Variants in OSBPL3 observed in about 807,000 individuals in gnomAD.
OSBPL3 encodes oxysterol binding protein like 3.
In OSBPL3, 65 loss-of-function variants were observed where a neutral mutation model predicts 120.1. The observed-to-expected ratio is 0.54, with a 90% CI of 0.44 to 0.67. OSBPL3 has a LOEUF of 0.67. Among genes scored for constraint, OSBPL3 ranks in the 30% least tolerant of loss-of-function variants. The pLI is 0.00. For synonymous variants in OSBPL3, 416 were observed against 402.6 expected, an observed-to-expected ratio of 1.03 and a Z score of -0.40; for missense variants, 1,004 against 1,082.1, an observed-to-expected ratio of 0.93 and a Z score of 1.01.
At chr7:24,914,267 C>G (rs997323102) in intron 1 of OSBPL3, among the ~76,000 whole-genome samples, 1 of 151,738 alleles carries the variant, frequency 6.6e-6, no homozygotes, top group African/African-American at 2.4e-5. Context: ...AGCCATTGGA[C>G]AGCAGAGCCA....
At chr7:24,978,428 C>T (rs949450879) in intron 1 of OSBPL3, among the ~76,000 whole-genome samples, 53 of 152,312 alleles carry the variant, frequency 3.5e-4, no homozygotes, top group African/African-American at 1.2e-3. Context: ...TACTTACATC[C>T]TAATGAGGGA....
intron 12 of OSBPL3, among the ~76,000 whole-genome samples, chr7:24,846,266 G>A (rs568564594): frequency 1.3e-5 from 2 of 152,284 alleles, no homozygotes; most frequent in African/African-American, 2.4e-5. Flanking sequence ...TTGAGAAAAG[G>A]ATTGCTTTGG....
intron 1 of OSBPL3, among the ~76,000 whole-genome samples, chr7:24,897,808 A>G (rs567974741): frequency 8.5e-5 from 13 of 152,358 alleles, no homozygotes; most frequent in African/African-American, 3.1e-4. Context: ...AAAAAGCAAC[A>G]TTATCTGGTA....
Position 24,804,155 on chromosome 7 carries a change from G to A in OSBPL3, c.2567+160C>T, listed in dbSNP as rs1359093769. ...GGAGAGCCTGAAGGTAAGTGCGGGG[G>A]ACAGGGCCTGGCACAGAGGAGCAGT... On this transcript the variant is annotated intron_variant, in intron 22 of 22. Transcript: ENST00000313367. The surrounding 1 kb of genome is among the most constrained non-coding windows in gnomAD (Gnocchi z 5.4). 6.6e-6 allele frequency among the ~76,000 whole-genome samples: 1 copy of A among 152,168 alleles called. No individual in the cohort carries two copies. Among genetic ancestry groups the A allele is most frequent in the Non-Finnish European group, 1.5e-5 (1 of 68,028 alleles).
intron 1 of OSBPL3, among the ~76,000 whole-genome samples, chr7:24,901,734 G>C (rs185837971): frequency 6.6e-6 from 1 of 152,264 alleles, no homozygotes; most frequent in South Asian, 2.1e-4. Flanking sequence ...GTAGGACCAG[G>C]GTTGACAAGG....
Position 24,866,101 on chromosome 7 carries a change from G to A in OSBPL3, c.518C>T (p.Ser173Phe). 6.2e-7 allele frequency: 1 copy of A among 1,613,806 alleles called. No individual in the cohort carries two copies. ...FSGSTITDSS[S>F]GVFDSISSRK... is the part of the protein sequence containing the mutation. ...ACTTGAAATGGAGTCAAACACCCCA[G>A]ATGAAGAGTCTGTGATGGTGGACCC... Residue 173 changes from serine (S) to phenylalanine (F), a missense_variant, in exon 6 of 23, where the codon TCT (serine) becomes TTT (phenylalanine). By Grantham distance (155) the Ser-to-Phe change is radical. Transcript: ENST00000313367.
chr7:24,878,921 T>C (rs917448977), intron 2 of OSBPL3, among the ~76,000 whole-genome samples: 1 of 152,162 alleles, frequency 6.6e-6, no homozygotes, highest in Non-Finnish European at 1.5e-5. Flanking sequence ...CCAACTTGAG[T>C]AGCCACATTC....
chr7:24,914,831 G>T (rs550942394), intron 1 of OSBPL3, among the ~76,000 whole-genome samples: 1 of 152,168 alleles, frequency 6.6e-6, no homozygotes, highest in Non-Finnish European at 1.5e-5. Context: ...ACTACAAACT[G>T]TGTCACCACA....
rs553897334 is a variant in OSBPL3 at position 24,883,948 on chromosome 7, G to A, written c.96+8429C>T. 2.6e-5 allele frequency among the ~76,000 whole-genome samples: 4 copies of A among 152,232 alleles called. No homozygotes were observed. The East Asian group carries it at 7.7e-4, about 29-fold the overall frequency. On this transcript the variant is annotated intron_variant, in intron 2 of 22. Coordinates refer to ENST00000313367, the MANE Select transcript of OSBPL3 (RefSeq NM_015550.4). This position sits in a 1 kb window ranked among gnomAD's most constrained non-coding sequence, Gnocchi z 5.4. ...CCTCTGAGGTATGTTATAACCATAG[G>A]GGTGGCTAAAAGGTCAGCAGTAAGG... is the stretch of plus-strand genomic sequence containing the variant.
chr7:24,922,461 T>C lies in OSBPL3; in HGVS notation c.-149-29840A>G, dbSNP rs963245108. On this transcript the variant is annotated intron_variant, in intron 1 of 22. Coordinates refer to ENST00000313367, the MANE Select transcript of OSBPL3 (RefSeq NM_015550.4). The surrounding 1 kb of genome is among the most constrained non-coding windows in gnomAD (Gnocchi z 4.3). ...GGAGGGAAATTAAGTTTTCGGTGGA[T>C]ACTGTGGTGCTTTTAGAGTTTGATT... 5.9e-5 allele frequency among the ~76,000 whole-genome samples: 9 copies of C among 152,184 alleles called. No individual in the cohort carries two copies. Among genetic ancestry groups the C allele is most frequent in the African/African-American group, 2.2e-4 (9 of 41,444 alleles).
chr7:24,903,814 T>C (rs16873722), intron 1 of OSBPL3, among the ~76,000 whole-genome samples: 5,923 of 151,780 alleles, frequency 0.039, 361 homozygotes, highest in African/African-American at 0.13. Flanking sequence ...CTCAGGACAG[T>C]GGGTTTTGCT....
chr7:24,929,592 C>A (rs1811529721), intron 1 of OSBPL3, among the ~76,000 whole-genome samples: 1 of 149,644 alleles, frequency 6.7e-6, no homozygotes, highest in African/African-American at 2.5e-5. Flanking sequence ...AATTCTCTCC[C>A]AAATACCACA....
At chr7:24,921,827 C>T (rs535500664) in intron 1 of OSBPL3, among the ~76,000 whole-genome samples, 15 of 152,186 alleles carry the variant, frequency 9.9e-5, no homozygotes, top group African/African-American at 3.6e-4. Context: ...CAAGAGTTCA[C>T]ATTATGGGAT....
rs1800938148 is a variant in OSBPL3, at chr7:24,863,853, C to A, written c.674-254G>T. 6.6e-6 allele frequency among the ~76,000 whole-genome samples: 1 copy of A among 152,182 alleles called. No individual in the cohort carries two copies. Among genetic ancestry groups the A allele is most frequent in the Admixed American group, 6.5e-5 (1 of 15,278 alleles). ...TGTAACTATTGAGAAAATTGCAAAACTGCATGCCTCAACTTCCTCATCAGA... is the reference window on the plus strand; with the variant it reads ...TGTAACTATTGAGAAAATTGCAAAAATGCATGCCTCAACTTCCTCATCAGA... On this transcript the variant is annotated intron_variant, in intron 7 of 22. Transcript: ENST00000313367. The surrounding 1 kb of genome is among the most constrained non-coding windows in gnomAD (Gnocchi z 5.8).
intron 13 of OSBPL3, 30 bp from the exon 14 acceptor site, chr7:24,840,813 G>C: frequency 1.9e-6 from 2 of 1,026,800 alleles, no homozygotes; most frequent in Admixed American, 2.3e-5. Flanking sequence ...ACATTCATTA[G>C]AGTTAGAATA....
At chr7:24,929,996 G>A (rs1811590335) in intron 1 of OSBPL3, among the ~76,000 whole-genome samples, 1 of 152,136 alleles carries the variant, frequency 6.6e-6, no homozygotes, top group South Asian at 2.1e-4. Flanking sequence ...ACCTCTCTGG[G>A]TTCTCATAGA....
chr7:24,841,444 T>C (rs1249039880), intron 13 of OSBPL3, among the ~76,000 whole-genome samples: 1 of 151,466 alleles, frequency 6.6e-6, no homozygotes, highest in Non-Finnish European at 1.5e-5. Context: ...TGAAAAGAAG[T>C]ATAGCACTTT....
intron 22 of OSBPL3, among the ~76,000 whole-genome samples, chr7:24,801,069 C>T (rs1009942710): frequency 6.6e-6 from 1 of 151,100 alleles, no homozygotes; most frequent in Non-Finnish European, 1.5e-5. Context: ...GGCAAAACTC[C>T]GTGCCTACTA....
chr7:24,867,054 C>T lies in OSBPL3; in HGVS notation c.382-817G>A, dbSNP rs567504240. Among the ~76,000 whole-genome samples, 40 of 152,348 alleles carry T rather than the reference C, an allele frequency of 2.6e-4. No individual in the cohort carries two copies. The highest frequency in any genetic ancestry group is 4.7e-4 in the Non-Finnish European group (32 of 68,034). ...TGACCTGGTGATCTGCCCGCCTCGG[C>T]CTCCCAAAGTGCTGGGATTACAGGC... is the stretch of plus-strand genomic sequence containing the variant. On this transcript the variant is annotated intron_variant, in intron 5 of 22. Transcript: ENST00000313367. This position sits in a 1 kb window ranked among gnomAD's most constrained non-coding sequence, Gnocchi z 4.5.
Sources: gnomAD v4.1 joint callset for allele counts (sites outside exome capture counted in the v4.1 genomes callset) on GRCh38, gnomAD v4.1.1 for gene constraint, Gnocchi (gnomAD v3.1) non-coding constraint, MANE v1.5 for transcripts, NCBI Gene and HGNC (gene_info 2026-07-23, HGNC 2026-07-21) for gene names.